Variants in FILIP1L observed in about 807,000 individuals in gnomAD.
FILIP1L encodes the protein filamin A-interacting protein 1-like.
Under a neutral mutation model 96.6 loss-of-function variants are expected in FILIP1L, and 55 were observed. That is an observed-to-expected ratio of 0.57 (90% CI 0.46 to 0.71). The LOEUF is 0.71. Ranked by LOEUF, FILIP1L falls within the 30% of genes least tolerant of loss-of-function variation. The probability of loss-of-function intolerance (pLI) is 0.00; values close to 1 mark genes in which losing one functional copy is unlikely to be tolerated. For missense variants in FILIP1L, 1,304 were observed against 1,321.2 expected (o/e 0.99, Z 0.20); for synonymous variants, 467 against 473.9 (o/e 0.99, Z 0.19).
intron 1 of FILIP1L, among the ~76,000 whole-genome samples, chr3:99,934,093 G>A (rs191434534): frequency 1.3e-5 from 2 of 152,294 alleles, no homozygotes; most frequent in East Asian, 3.9e-4. Flanking sequence ...CAACTTACAA[G>A]AAGCTAGACC....
chr3:99,905,408 A>G (rs1393533198), intron 4 of FILIP1L, among the ~76,000 whole-genome samples: 1 of 152,146 alleles, frequency 6.6e-6, no homozygotes, highest in Non-Finnish European at 1.5e-5. Context: ...TGCTCTTACT[A>G]GGACTAATCT....
chr3:99,907,749 C>G (rs1245712312), intron 4 of FILIP1L, among the ~76,000 whole-genome samples: 1 of 152,022 alleles, frequency 6.6e-6, no homozygotes, highest in Non-Finnish European at 1.5e-5. Flanking sequence ...TTCTCTTTTT[C>G]TCCTTGTCTG....
intron 1 of FILIP1L, among the ~76,000 whole-genome samples, chr3:99,986,113 T>C (rs1460395699): frequency 1.3e-5 from 2 of 152,198 alleles, no homozygotes. Flanking sequence ...TTCATTGTTA[T>C]AAGAGGAAAA....
intron 1 of FILIP1L, among the ~76,000 whole-genome samples, chr3:100,017,061 T>C (rs1394771754): frequency 5.3e-5 from 8 of 152,266 alleles, no homozygotes; most frequent in Non-Finnish European, 1.2e-4. Flanking sequence ...CATGTGTGTA[T>C]AATTCTTCAT....
chr3:99,916,737 C>T (rs932038825), intron 4 of FILIP1L, among the ~76,000 whole-genome samples: 1 of 152,082 alleles, frequency 6.6e-6, no homozygotes, highest in Non-Finnish European at 1.5e-5. Context: ...CCATGCTCCA[C>T]GTTTGTTGTT....
chr3:100,052,020 A>T (rs926135514), intron 1 of FILIP1L, among the ~76,000 whole-genome samples: 11 of 151,570 alleles, frequency 7.3e-5, no homozygotes, highest in Admixed American at 7.2e-4. Flanking sequence ...CAAGAAACAC[A>T]TGCAATTTAC....
intron 1 of FILIP1L, among the ~76,000 whole-genome samples, chr3:100,098,755 A>G (rs2066255709): frequency 6.6e-6 from 1 of 152,220 alleles, no homozygotes; most frequent in African/African-American, 2.4e-5. Flanking sequence ...ACTCACCATG[A>G]AAACAAACCA....
chr3:100,113,176 A>C (rs2066519239), intron 1 of FILIP1L, among the ~76,000 whole-genome samples: 1 of 152,234 alleles, frequency 6.6e-6, no homozygotes, highest in African/African-American at 2.4e-5. Flanking sequence ...AGAAAAAAGA[A>C]TAACTGAATA....
intron 1 of FILIP1L, among the ~76,000 whole-genome samples, chr3:100,013,087 G>T (rs1177058378): frequency 6.6e-6 from 1 of 151,930 alleles, no homozygotes; most frequent in South Asian, 2.1e-4. Context: ...TTGTTGTCCG[G>T]GCTGATCTTG....
At chr3:99,864,915 C>T (rs907709045) in intron 4 of FILIP1L, among the ~76,000 whole-genome samples, 1 of 152,150 alleles carries the variant, frequency 6.6e-6, no homozygotes, top group African/African-American at 2.4e-5. Flanking sequence ...TGTATGTGCG[C>T]ACACACGCAT....
chr3:99,832,660 C>T (rs1422546125), intron 5 of FILIP1L, among the ~76,000 whole-genome samples: 1 of 147,106 alleles, frequency 6.8e-6, no homozygotes, highest in Non-Finnish European at 1.5e-5. Context: ...CTGGCCAACA[C>T]GGTGAAACCC....
chr3:99,927,889 C>T (rs946891759), intron 3 of FILIP1L, among the ~76,000 whole-genome samples: 20 of 152,234 alleles, frequency 1.3e-4, no homozygotes, highest in Non-Finnish European at 1.6e-4. Flanking sequence ...ACCAGTTTTT[C>T]ATCTTAAGTC....
At chr3:99,945,877 AG>A (rs1448314422) in intron 1 of FILIP1L, among the ~76,000 whole-genome samples, 1 of 152,208 alleles carries the variant, frequency 6.6e-6, no homozygotes, top group South Asian at 2.1e-4. Flanking sequence ...CTTGTCACAG[AG>A]CCAGTGGGAG....
chr3:99,939,091 G>C (rs1228014046), intron 1 of FILIP1L, among the ~76,000 whole-genome samples: 2 of 152,186 alleles, frequency 1.3e-5, no homozygotes, highest in African/African-American at 4.8e-5. Context: ...GTATGATTCA[G>C]GTTCATATTC....
intron 5 of FILIP1L, among the ~76,000 whole-genome samples, chr3:99,838,353 A>G (rs895932577): frequency 4.6e-5 from 7 of 152,174 alleles, no homozygotes; most frequent in African/African-American, 9.7e-5. Context: ...AGGAGAGGCA[A>G]ATCACTCTTG....
chr3:99,973,478 A>G (rs1013812101), intron 1 of FILIP1L, among the ~76,000 whole-genome samples: 19 of 152,330 alleles, frequency 1.2e-4, no homozygotes, highest in African/African-American at 3.8e-4. Context: ...ATACATATGA[A>G]AATTCCTCTG....
At chr3:100,078,576 G>A (rs745388385) in intron 1 of FILIP1L, among the ~76,000 whole-genome samples, 1 of 151,790 alleles carries the variant, frequency 6.6e-6, no homozygotes. Context: ...CAACACTAGC[G>A]ATAGCTGATG....
chr3:99,851,140 ATATG>A (rs1943677349), intron 4 of FILIP1L, 70 bp from the exon 5 acceptor site: 2 of 1,222,048 alleles, frequency 1.6e-6, no homozygotes, highest in Admixed American at 2.5e-5. Context: ...ACTTAAATAT[ATATG>A]TAATTTAGAA....
At chr3:99,931,124 T>A in intron 1 of FILIP1L, 94 bp from the exon 2 acceptor site, 1 of 1,020,434 alleles carries the variant, frequency 9.8e-7, no homozygotes, top group South Asian at 1.6e-5. Context: ...ATTCTTGTTA[T>A]ATTTACCACA....
Sources: gnomAD v4.1 joint callset for allele counts (sites outside exome capture counted in the v4.1 genomes callset) on GRCh38, gnomAD v4.1.1 for gene constraint, MANE v1.5 for transcripts, NCBI Gene and HGNC (gene_info 2026-07-23, HGNC 2026-07-21) for gene names.